Variants in AGBL3 observed in about 807,000 individuals in gnomAD.
The protein encoded by AGBL3 is AGBL carboxypeptidase 3.
In AGBL3, 68 loss-of-function variants were observed where a neutral mutation model predicts 94.5. That is an observed-to-expected ratio of 0.72 (90% CI 0.59 to 0.88). The LOEUF is 0.88. Ranked by LOEUF, AGBL3 falls within the 40% of genes least tolerant of loss-of-function variation. The pLI, the probability that AGBL3 is intolerant of heterozygous loss-of-function variation, is 0.00. For missense variants in AGBL3, 934 were observed against 1,103.8 expected (o/e 0.85, Z 2.18); for synonymous variants, 354 against 370.7 (o/e 0.95, Z 0.52).
intron 11 of AGBL3, among the ~76,000 whole-genome samples, chr7:135,052,779 T>C (rs1817994955): frequency 6.6e-6 from 1 of 152,116 alleles, no homozygotes; most frequent in South Asian, 2.1e-4. Flanking sequence ...CTTTGTGCTA[T>C]AAAATACTAT....
chr7:135,114,258 T>C (rs936015667), intron 15 of AGBL3, among the ~76,000 whole-genome samples: 16 of 152,320 alleles, frequency 1.1e-4, no homozygotes, highest in African/African-American at 3.8e-4. Flanking sequence ...TTTTTAATTA[T>C]TGAGGAACCA....
intron 2 of AGBL3, among the ~76,000 whole-genome samples, chr7:134,988,560 A>G (rs900466668): frequency 6.6e-5 from 10 of 152,202 alleles, no homozygotes; most frequent in Non-Finnish European, 1.3e-4. Context: ...AATGTCCCGA[A>G]ATAAGCTCTT....
intron 16 of AGBL3, among the ~76,000 whole-genome samples, chr7:135,127,494 A>G (rs976366103): frequency 6.6e-6 from 1 of 151,942 alleles, no homozygotes; most frequent in African/African-American, 2.4e-5. Context: ...CGGAGGTTGC[A>G]GTGAGCCAAG....
At chr7:135,061,722 A>G (rs74375103) in intron 12 of AGBL3, among the ~76,000 whole-genome samples, 164 of 152,098 alleles carry the variant, frequency 1.1e-3, no homozygotes, top group African/African-American at 3.5e-3. Context: ...TTTTGGGGCT[A>G]TTTCATTCTA....
intron 12 of AGBL3, 88 bp from the exon 13 acceptor site, chr7:135,076,309 G>A: frequency 9.8e-7 from 1 of 1,015,250 alleles, no homozygotes; most frequent in Non-Finnish European, 1.5e-6. Context: ...CTTCTTAGAA[G>A]TGGGAATCTC....
chr7:135,090,835 C>T (rs917136547), intron 15 of AGBL3, among the ~76,000 whole-genome samples: 1 of 152,062 alleles, frequency 6.6e-6, no homozygotes, highest in Non-Finnish European at 1.5e-5. Flanking sequence ...GATGTTGGAC[C>T]ACCAGCCCTG....
chr7:135,129,228 G>A (rs1377292068), intron 16 of AGBL3: 8 of 1,463,526 alleles, frequency 5.5e-6, no homozygotes, highest in Non-Finnish European at 7.7e-6. Context: ...TGTGATGCAG[G>A]AGCCTGGCTA....
chr7:135,075,675 T>C (rs1169571003), intron 12 of AGBL3, among the ~76,000 whole-genome samples: 1 of 152,218 alleles, frequency 6.6e-6, no homozygotes. Flanking sequence ...CCAAAATGGA[T>C]GTACAATTTT....
chr7:135,013,419 C>CAT (rs1386040390), intron 4 of AGBL3, among the ~76,000 whole-genome samples: 2 of 152,114 alleles, frequency 1.3e-5, no homozygotes, highest in East Asian at 3.8e-4. Flanking sequence ...TAAATAAAGA[C>CAT]ATAACTATTA....
At chr7:135,024,098 C>G (rs535794833) in intron 5 of AGBL3, among the ~76,000 whole-genome samples, 130 of 152,250 alleles carry the variant, frequency 8.5e-4, no homozygotes, top group Non-Finnish European at 1.5e-3. Context: ...ACAGGGCACA[C>G]CTCCCTCTAC....
intron 5 of AGBL3, among the ~76,000 whole-genome samples, chr7:135,023,501 A>G (rs1584867369): frequency 6.6e-6 from 1 of 152,150 alleles, no homozygotes; most frequent in Non-Finnish European, 1.5e-5. Flanking sequence ...TGACCCCCAC[A>G]GATATTTGAA....
At chr7:135,035,498 T>C (rs1375761218) in intron 7 of AGBL3, among the ~76,000 whole-genome samples, 2 of 152,032 alleles carry the variant, frequency 1.3e-5, no homozygotes, top group Non-Finnish European at 2.9e-5. Flanking sequence ...TGTAAGTATA[T>C]ATAAGATTAA....
intron 15 of AGBL3, among the ~76,000 whole-genome samples, chr7:135,096,586 T>TAGATAGAG (rs1822819999): frequency 1.5e-5 from 1 of 66,130 alleles, no homozygotes. Flanking sequence ...GATAGATACA[T>TAGATAGAG]AGATAGATAG....
At chr7:135,096,584 C>CAGATAGATAGATAGATACATAG (rs1822810155) in intron 15 of AGBL3, among the ~76,000 whole-genome samples, 11 of 88,816 alleles carry the variant, frequency 1.2e-4, no homozygotes, top group African/African-American at 4.3e-4. Flanking sequence ...TAGATAGATA[C>CAGATAGATAGATAGATACATAG]ATAGATAGAT....
chr7:134,988,749 C>T (rs1809822983), intron 2 of AGBL3, among the ~76,000 whole-genome samples: 1 of 152,064 alleles, frequency 6.6e-6, no homozygotes, highest in Non-Finnish European at 1.5e-5. Flanking sequence ...ACGATTCTGC[C>T]TCAGCCACCC....
chr7:135,068,648 G>A (rs911743479), intron 12 of AGBL3, among the ~76,000 whole-genome samples: 2 of 152,120 alleles, frequency 1.3e-5, no homozygotes, highest in African/African-American at 2.4e-5. Context: ...CTTCATAAGT[G>A]AAGGAGAAAT....
chr7:135,067,828 G>C (rs1467279444), intron 12 of AGBL3, among the ~76,000 whole-genome samples: 1 of 152,206 alleles, frequency 6.6e-6, no homozygotes, highest in Non-Finnish European at 1.5e-5. Flanking sequence ...AAAAATCAGA[G>C]CGCCTCTCCT....
At chr7:135,063,534 C>T (rs1331493034) in intron 12 of AGBL3, among the ~76,000 whole-genome samples, 2 of 151,936 alleles carry the variant, frequency 1.3e-5, no homozygotes, top group African/African-American at 2.4e-5. Flanking sequence ...CCTCTTAGAA[C>T]TGCTTTTGCT....
At chr7:134,993,373 A>C (rs532380086) in intron 3 of AGBL3, 120 bp from the exon 4 acceptor site, 175 of 809,758 alleles carry the variant, frequency 2.2e-4, no homozygotes, top group Admixed American at 6.7e-4. Context: ...ATTATAAAAC[A>C]TTTATAATGA....
Sources: allele counts gnomAD v4.1 joint callset (sites outside exome capture counted in the v4.1 genomes callset), GRCh38; gene constraint gnomAD v4.1.1; transcripts MANE v1.5; gene names NCBI Gene and HGNC (gene_info 2026-07-23, HGNC 2026-07-21).